The following CTDP1 variants were observed in gnomAD, a reference collection of about 807,000 sequenced individuals.
CTDP1 encodes the protein RNA polymerase II subunit A C-terminal domain phosphatase.
A neutral mutation model predicts 91.8 loss-of-function variants in CTDP1; 47 were observed. That is an observed-to-expected ratio of 0.51 (90% CI 0.41 to 0.65). CTDP1 has a LOEUF of 0.65. Ranked by LOEUF, CTDP1 falls within the 30% of genes least tolerant of loss-of-function variation. The pLI is 0.00. For missense variants in CTDP1, 1,272 were observed against 1,373.7 expected, an observed-to-expected ratio of 0.93 and a Z score of 1.17; for synonymous variants, 656 against 598.5, an observed-to-expected ratio of 1.10 and a Z score of -1.40.
At position 79,714,597 on chromosome 18, in the gene CTDP1, G is replaced by A. The variant is rs368900469; in HGVS notation, c.1137G>A (p.Lys379=). The A allele has an allele frequency of 1.5e-5, 24 of 1,612,930 alleles. No homozygotes were observed. The African/African-American group carries it at 2.3e-4, about 15-fold the overall frequency. The change falls in exon 8 of 13, where the codon AAG becomes AAA. Residue 379 remains lysine (K), a synonymous_variant. Coordinates refer to ENST00000613122, the MANE Select transcript of CTDP1 (RefSeq NM_004715.5). ...TGGAGCCCAGCAATGGCCTGGAGAA[G>A]CCTGCACGGGAGCTGAACGGCAGCG... ...PGVEPSNGLE[K]PARELNGSEA...
At chr18:79,678,962 CTGA>C (rs1248175764), upstream of CTDP1, 1 of 202,594 alleles carries the variant, frequency 4.9e-6, no homozygotes, top group East Asian at 1.6e-4. Context: ...TCCCAAAGTG[CTGA>C]GACTACAGGC....
At chr18:79,740,880 A>G (rs1341884441) in intron 12 of CTDP1, among the ~76,000 whole-genome samples, 3 of 152,248 alleles carry the variant, frequency 2.0e-5, no homozygotes, top group Non-Finnish European at 2.9e-5. Flanking sequence ...CATCTTCAGA[A>G]TGTTTAAGGA....
chr18:79,696,966 G>A (rs144302700), intron 3 of CTDP1, among the ~76,000 whole-genome samples: 2 of 152,328 alleles, frequency 1.3e-5, no homozygotes, highest in East Asian at 1.9e-4. Context: ...CCAGTGTTAC[G>A]ATTTTAGTAA....
intron 12 of CTDP1, among the ~76,000 whole-genome samples, chr18:79,740,452 AGATGTGAAT>A (rs1420175720): frequency 1.3e-5 from 2 of 152,242 alleles, no homozygotes; most frequent in African/African-American, 2.4e-5. Context: ...GTATTCAGTG[AGATGTGAAT>A]GTTTTGAAAT....
In CTDP1 at chr18:79,753,813, G is replaced by A; in HGVS notation, c.*23G>A. The A allele has an allele frequency of 6.2e-7, 1 of 1,610,580 alleles. No individual in the cohort carries two copies. Among genetic ancestry groups the A allele is most frequent in the East Asian group, 2.2e-5 (1 of 44,770 alleles). ...TGAGCGCGGGCAGCGGGCAGGGACT[G>A]AAGCCTGACCGACCTCCAGCAGCAC... On this transcript the variant is annotated 3_prime_UTR_variant, in exon 13 of 13. Transcript: ENST00000613122.
intron 12 of CTDP1, among the ~76,000 whole-genome samples, chr18:79,737,370 G>A (rs2086690824): frequency 2.6e-5 from 4 of 152,150 alleles, no homozygotes; most frequent in Admixed American, 6.5e-5. Flanking sequence ...ATGCGTTTAC[G>A]TTTGACCTTT....
At chr18:79,697,807 C>A (rs776116791) in intron 3 of CTDP1, 53 bp from the exon 4 acceptor site, 7 of 1,612,246 alleles carry the variant, frequency 4.3e-6, no homozygotes, top group African/African-American at 4.0e-5. Flanking sequence ...TGGAGTTTTA[C>A]CTTGGATGCA....
In CTDP1 at chr18:79,713,954, G is replaced by A. The variant is rs1404184903; in HGVS notation, c.1031-537G>A. Among the ~76,000 whole-genome samples, 48 of 138,826 alleles carry A rather than the reference G, an allele frequency of 3.5e-4. 1 individual carries two copies. The highest frequency in any genetic ancestry group is 3.0e-3 in the Admixed American group (42 of 14,090). The allele number at this position is 138,826 out of a possible 152,430, so 91.1% of individuals were successfully genotyped here. A position where few individuals can be genotyped will look rare whatever the true frequency, so the allele number is the denominator to read the frequency against. On this transcript the variant is annotated intron_variant, in intron 7 of 12. Coordinates refer to ENST00000613122, the MANE Select transcript of CTDP1 (RefSeq NM_004715.5). This position sits in a 1 kb window ranked among gnomAD's most constrained non-coding sequence, Gnocchi z 4.7. ...TGGCGCCAGGTCTGCAGGGGCTTAC[G>A]GCCACGGTGGCGCCAGGTCTGCAGG...
At chr18:79,684,911 A>G (rs2085453714) in intron 1 of CTDP1, among the ~76,000 whole-genome samples, 1 of 143,930 alleles carries the variant, frequency 6.9e-6, no homozygotes, top group Non-Finnish European at 1.6e-5. Flanking sequence ...ACAGGGTGTG[A>G]GGTCCTGGTG....
intron 11 of CTDP1, among the ~76,000 whole-genome samples, chr18:79,730,882 G>A (rs1381402312): frequency 1.3e-5 from 2 of 152,230 alleles, no homozygotes; most frequent in Non-Finnish European, 2.9e-5. Context: ...CAGCTGTGAG[G>A]TTGTGAATTT....
intron 8 of CTDP1, among the ~76,000 whole-genome samples, chr18:79,716,553 T>G (rs991892444): frequency 2.0e-5 from 3 of 152,148 alleles, no homozygotes; most frequent in African/African-American, 7.2e-5. Flanking sequence ...CCTTCTCTCC[T>G]GAGCGTGGAG....
intron 12 of CTDP1, among the ~76,000 whole-genome samples, chr18:79,742,178 G>A (rs1353384196): frequency 6.0e-5 from 5 of 83,706 alleles, no homozygotes; most frequent in South Asian, 9.2e-4. Context: ...GAAGCATGAA[G>A]CATGAGAGAG....
chr18:79,748,423 G>C (rs1175384543), intron 12 of CTDP1, among the ~76,000 whole-genome samples: 1 of 152,200 alleles, frequency 6.6e-6, no homozygotes, highest in East Asian at 1.9e-4. Flanking sequence ...CCCGGGCTCT[G>C]TGACCCCTCA....
downstream of CTDP1, chr18:79,755,362 C>T (rs1195948694): frequency 1.3e-5 from 2 of 152,170 alleles, no homozygotes; most frequent in African/African-American, 4.8e-5. Flanking sequence ...GGGAGTTCCT[C>T]CTGTCCAGAG....
chr18:79,701,591 G>A (rs994568554), intron 4 of CTDP1, among the ~76,000 whole-genome samples: 27 of 152,022 alleles, frequency 1.8e-4, no homozygotes, highest in Admixed American at 1.2e-3. Flanking sequence ...CATCTCCTAA[G>A]GCTGGAGCTG....
Position 79,690,864 on chromosome 18 carries a change from A to C in CTDP1, c.315-4361A>C, listed in dbSNP as rs115968480. 9.8e-3 allele frequency among the ~76,000 whole-genome samples: 1,489 copies of C among 152,296 alleles called. 22 individuals carry two copies. The highest frequency in any genetic ancestry group is 0.034 in the African/African-American group (1,400 of 41,558). ...AAGACAGTCAGAACCTTTCAACCGC[A>C]GTACAGAAAATTACGTGACTCCGAC... On this transcript the variant is annotated intron_variant, in intron 1 of 12. Coordinates refer to ENST00000613122, the MANE Select transcript of CTDP1 (RefSeq NM_004715.5).
chr18:79,743,272 T>C (rs1181846543), intron 12 of CTDP1, among the ~76,000 whole-genome samples: 1 of 151,692 alleles, frequency 6.6e-6, no homozygotes, highest in Non-Finnish European at 1.5e-5. Flanking sequence ...ATGCTTGTAA[T>C]CCCAGCACTC....
In CTDP1 at chr18:79,753,679, GGACGCCGCCAGC is replaced by G. The variant is rs2087045416; in HGVS notation, c.2778_2789del (p.Asp926_Ser929del). On this transcript the variant is annotated inframe_deletion, in exon 13 of 13. Coordinates refer to ENST00000613122, the MANE Select transcript of CTDP1 (RefSeq NM_004715.5). The stretch of plus-strand genomic sequence containing the variant: ...GCCACAAGAGGAAGCTGAATGAAGA[GGACGCCGCCAGC>G]GAGTCCAGCAGGGAGTCCAGCAACG... The G allele has an allele frequency of 2.5e-6, 4 of 1,614,176 alleles. No individual in the cohort carries two copies. Among genetic ancestry groups the G allele is most frequent in the Middle Eastern group, 1.6e-4 (1 of 6,062 alleles).
Position 79,717,822 on chromosome 18 carries a change from T to C in CTDP1, c.2223T>C (p.Pro741=), listed in dbSNP as rs77320492. ...CTTCCTCCGACAGGGAGAACAGCCC[T>C]GCGGCCTTTCCCGACCGGGAGGGTG... ...DHTKAQRENS[P]AAFPDREGVP... is the part of the protein sequence containing the mutation. Residue 741 remains proline (P), a synonymous_variant, in exon 10 of 13, where the codon CCT becomes CCC. Coordinates refer to ENST00000613122, the MANE Select transcript of CTDP1 (RefSeq NM_004715.5). 2.0e-3 allele frequency: 3,232 copies of C among 1,613,722 alleles called. 68 individuals carry two copies. The East Asian group carries it at 0.045, about 23-fold the overall frequency.
Sources: gnomAD v4.1 joint callset for allele counts (sites outside exome capture counted in the v4.1 genomes callset) on GRCh38, gnomAD v4.1.1 for gene constraint, Gnocchi (gnomAD v3.1) non-coding constraint, MANE v1.5 for transcripts, NCBI Gene and HGNC (gene_info 2026-07-23, HGNC 2026-07-21) for gene names.